GSDMC: variants seen among roughly 807,000 people sequenced by gnomAD.
The protein encoded by GSDMC is gasdermin-C.
GSDMC carries 59 observed loss-of-function variants against 58.0 expected under a neutral mutation model. The ratio of observed to expected loss-of-function variants is 1.02; its 90% CI spans 0.82 to 1.26. GSDMC has a LOEUF of 1.26. Among genes scored for constraint, GSDMC ranks in the 50% most tolerant of loss-of-function variants. The probability of loss-of-function intolerance (pLI) is 0.00; values close to 1 mark genes in which losing one functional copy is unlikely to be tolerated. For synonymous variants in GSDMC, 241 were observed against 220.2 expected, an observed-to-expected ratio of 1.09 and a Z score of -0.83; for missense variants, 659 against 598.5, an observed-to-expected ratio of 1.10 and a Z score of -1.06.
At chr8:129,729,247 T>C in the GSDMC span, 1 of 634,492 alleles carries the variant, frequency 1.6e-6, no homozygotes, top group Non-Finnish European at 3.0e-6. Context: ...GTGAAATAGG[T>C]GGACTTAGAC....
intron 3 of GSDMC, among the ~76,000 whole-genome samples, chr8:129,770,282 GC>G (rs1254890694): frequency 6.6e-6 from 1 of 152,102 alleles, no homozygotes; most frequent in Non-Finnish European, 1.5e-5. Flanking sequence ...ACTACTTGAG[GC>G]CAGGAGTTCA....
chr8:129,742,450 C>T, the GSDMC span, among the ~76,000 whole-genome samples: 14 of 152,096 alleles, frequency 9.2e-5, no homozygotes, highest in Non-Finnish European at 1.8e-4. Context: ...GTTCAATAAT[C>T]TAATGATATC....
the GSDMC span, among the ~76,000 whole-genome samples, chr8:129,737,841 A>C: frequency 6.6e-6 from 1 of 152,252 alleles, no homozygotes; most frequent in Non-Finnish European, 1.5e-5. Context: ...GAGCTTCTGC[A>C]CAGCAAAAGA....
rs191139413 is a variant in GSDMC at position 129,750,197 on chromosome 8, A to G, written c.1084-78T>C. 6.5e-6 allele frequency: 8 copies of G among 1,232,386 alleles called. No individual in the cohort carries two copies. The Admixed American group carries it at 1.6e-4, about 25-fold the overall frequency. The allele number at this position is 1,232,386 out of a possible 1,614,324, so 76.3% of individuals were successfully genotyped here. ...TATAATTTGCCTGTGTCTACTGGTG[A>G]TAACCAAGGGGTAGGCATGAGGGTT... On this transcript the variant is annotated intron_variant, in intron 11 of 13. Transcript: ENST00000276708.
chr8:129,752,118 C>A lies in GSDMC; in HGVS notation c.874G>T (p.Gly292Trp). ...ELFLTQQFLS[G>W]HLPKYEQVHI... is the part of the protein sequence containing the mutation. ...AGATTCCACTCACTTGGCAAATGCCCGCTCAAAAATTGCTGTGTCAGAAAT... is the reference window on the plus strand; with the variant it reads ...AGATTCCACTCACTTGGCAAATGCCAGCTCAAAAATTGCTGTGTCAGAAAT... The change falls in exon 8 of 14, where the codon GGG (glycine) becomes TGG (tryptophan). Residue 292 changes from glycine (G) to tryptophan (W), a missense_variant. By Grantham distance (184) the Gly-to-Trp change is radical. Coordinates refer to ENST00000276708, the MANE Select transcript of GSDMC (RefSeq NM_031415.3). The A allele has an allele frequency of 1.9e-6, 3 of 1,613,384 alleles. No homozygotes were observed. The highest frequency in any genetic ancestry group is 2.2e-5 in the East Asian group (1 of 44,874).
chr8:129,711,469 C>T, the GSDMC span, among the ~76,000 whole-genome samples: 15 of 152,154 alleles, frequency 9.9e-5, no homozygotes, highest in Admixed American at 8.5e-4. Flanking sequence ...TTAGCTAGGA[C>T]AAAACAGAGA....
In GSDMC at chr8:129,748,557, G is replaced by C; in HGVS notation, c.1471C>G (p.Pro491Ala). The change falls in exon 14 of 14, where the codon CCC becomes GCC. Residue 491 changes from proline (P) to alanine (A), a missense_variant. Physicochemically the swap from Pro to Ala is conservative, Grantham distance 27. Coordinates refer to ENST00000276708, the MANE Select transcript of GSDMC (RefSeq NM_031415.3). ...RSTWDVEAKMPLSALYGTLSL... is the reference protein window; with the variant it reads ...RSTWDVEAKMALSALYGTLSL... ...AGAGTCCCATAGAGGGCAGACAGGG[G>C]CATCTTTGCTTCTACATCCCAGGTT... is the stretch of plus-strand genomic sequence containing the variant. The C allele has an allele frequency of 6.2e-7, 1 of 1,613,634 alleles. No homozygotes were observed. Among genetic ancestry groups the C allele is most frequent in the East Asian group, 2.2e-5 (1 of 44,852 alleles).
the GSDMC span, among the ~76,000 whole-genome samples, chr8:129,720,177 C>T: frequency 6.6e-6 from 1 of 152,186 alleles, no homozygotes; most frequent in Non-Finnish European, 1.5e-5. Flanking sequence ...GTCTGCCAAA[C>T]ATCAAAGTCA....
chr8:129,717,799 T>C, the GSDMC span, among the ~76,000 whole-genome samples: 17 of 151,916 alleles, frequency 1.1e-4, no homozygotes, highest in East Asian at 3.3e-3. Flanking sequence ...ACCAAAACAG[T>C]ATAGTACTGG....
chr8:129,747,184 G>A (rs1195544649), downstream of GSDMC, among the ~76,000 whole-genome samples: 1 of 151,964 alleles, frequency 6.6e-6, no homozygotes, highest in Non-Finnish European at 1.5e-5. Context: ...TTGAACCTGG[G>A]AGGTGGAGGT....
the GSDMC span, among the ~76,000 whole-genome samples, chr8:129,743,117 T>A: frequency 6.6e-6 from 1 of 152,178 alleles, no homozygotes; most frequent in African/African-American, 2.4e-5. Context: ...CTGTTCAGAG[T>A]TCACCAAGCC....
chr8:129,785,758 AC>A (rs200507225), intron 1 of GSDMC, among the ~76,000 whole-genome samples: 1 of 105,206 alleles, frequency 9.5e-6, no homozygotes, highest in Admixed American at 9.2e-5. Flanking sequence ...AGGTCACTGG[AC>A]AAGCAGAGAA....
chr8:129,751,972 C>G (rs2033216382), intron 8 of GSDMC, 81 bp from the exon 9 acceptor site: 2 of 1,485,416 alleles, frequency 1.3e-6, no homozygotes, highest in Non-Finnish European at 1.9e-6. Flanking sequence ...TTCCCTGAAC[C>G]ACTCTTCTCT....
intron 3 of GSDMC, among the ~76,000 whole-genome samples, chr8:129,771,532 A>G (rs1415945826): frequency 2.0e-5 from 3 of 152,246 alleles, no homozygotes; most frequent in Non-Finnish European, 4.4e-5. Flanking sequence ...AAAATTCACA[A>G]ATATGTGGAA....
the GSDMC span, among the ~76,000 whole-genome samples, chr8:129,732,487 C>A: frequency 6.6e-6 from 1 of 152,176 alleles, no homozygotes; most frequent in African/African-American, 2.4e-5. Flanking sequence ...GTGCCAAGGT[C>A]TCCAGATGAG....
chr8:129,723,334 G>A, the GSDMC span, among the ~76,000 whole-genome samples: 29 of 152,012 alleles, frequency 1.9e-4, no homozygotes, highest in South Asian at 1.5e-3. Context: ...TCTGCCTCCC[G>A]GGTTCAAGCT....
chr8:129,754,393 A>T (rs549021205), intron 6 of GSDMC, among the ~76,000 whole-genome samples: 24 of 152,370 alleles, frequency 1.6e-4, no homozygotes, highest in African/African-American at 5.5e-4. Flanking sequence ...ATCTTATGCA[A>T]GACCACCAAA....
rs1166096354 is a variant in GSDMC, at chr8:129,760,561, C to T, written c.705G>A (p.Gln235=). The T allele has an allele frequency of 6.2e-7, 1 of 1,601,142 alleles. No homozygotes were observed. Among genetic ancestry groups the T allele is most frequent in the East Asian group, 2.2e-5 (1 of 44,818 alleles). The stretch of plus-strand genomic sequence containing the variant: ...GGAACTCACCATCTTGAAAGGTTCT[C>T]TGTTCATCATCATCTGAGATGAGAA... The part of the protein sequence containing the change: ...KAILISDDDE[Q]RTFQDEYEIS... The change falls in exon 6 of 14, where the codon CAG becomes CAA. Residue 235 remains glutamine, a synonymous_variant. Coordinates refer to ENST00000276708, the MANE Select transcript of GSDMC (RefSeq NM_031415.3).
chr8:129,741,915 A>AATATATATATATATACAT, the GSDMC span, among the ~76,000 whole-genome samples: 56 of 126,262 alleles, frequency 4.4e-4, no homozygotes, highest in African/African-American at 1.9e-3. Flanking sequence ...AAGAAAATGT[A>AATATATATATATATACAT]ATATATATAT....
Sources: allele counts gnomAD v4.1 joint callset (sites outside exome capture counted in the v4.1 genomes callset), GRCh38; gene constraint gnomAD v4.1.1; transcripts MANE v1.5; gene names NCBI Gene and HGNC (gene_info 2026-07-23, HGNC 2026-07-21).